ITSN1: variants seen among roughly 807,000 people sequenced by gnomAD.
ITSN1 encodes intersectin 1.
In ITSN1, 58 loss-of-function variants were observed where a neutral mutation model predicts 239.8. That is an observed-to-expected ratio of 0.24 (90% CI 0.20 to 0.30). The LOEUF is 0.30. Among genes scored for constraint, ITSN1 ranks in the 10% least tolerant of loss-of-function variants. The probability of loss-of-function intolerance (pLI) is 1.00; values close to 1 mark genes in which losing one functional copy is unlikely to be tolerated. For synonymous variants in ITSN1, 780 were observed against 770.8 expected (o/e 1.01, Z -0.20); for missense variants, 1,558 against 2,103.3 (o/e 0.74, Z 5.07).
chr21:33,898,810 T>C lies in ITSN1; in HGVS notation c.*10510T>C, dbSNP rs1986932997. ...TCAACCAGCAACTGGAGCCCCTTTTTTGAGAGGCCCGAACCAGTAAAGCTG... is the reference window on the plus strand; with the variant it reads ...TCAACCAGCAACTGGAGCCCCTTTTCTGAGAGGCCCGAACCAGTAAAGCTG... On this transcript the variant is annotated 3_prime_UTR_variant, in exon 40 of 40. Transcript: ENST00000381318. 3 of 152,232 alleles carry C rather than the reference T, an allele frequency of 2.0e-5. No individual in the cohort carries two copies. Among genetic ancestry groups the C allele is most frequent in the African/African-American group, 7.2e-5 (3 of 41,466 alleles). The allele number at this position is 152,232 out of a possible 1,614,324, so 9.4% of individuals were successfully genotyped here.
At chr21:33,704,670 C>T (rs1284205918) in intron 1 of ITSN1, among the ~76,000 whole-genome samples, 1 of 152,092 alleles carries the variant, frequency 6.6e-6, no homozygotes, top group African/African-American at 2.4e-5. Flanking sequence ...AGGATCATGC[C>T]AGTAAATCCT....
chr21:33,743,412 G>A (rs774243074), intron 5 of ITSN1, among the ~76,000 whole-genome samples: 65 of 152,218 alleles, frequency 4.3e-4, no homozygotes, highest in Non-Finnish European at 4.3e-4. Context: ...GTGGCAGTAA[G>A]CTGAGATCAC....
chr21:33,695,229 A>G (rs1191376021), intron 1 of ITSN1, among the ~76,000 whole-genome samples: 1 of 152,240 alleles, frequency 6.6e-6, no homozygotes, highest in African/African-American at 2.4e-5. Context: ...CAGTATTAAT[A>G]TCAGATATCT....
intron 1 of ITSN1, among the ~76,000 whole-genome samples, chr21:33,650,903 A>G (rs1308560595): frequency 6.6e-6 from 1 of 152,236 alleles, no homozygotes; most frequent in East Asian, 1.9e-4. Flanking sequence ...AGCACTGCTT[A>G]TTTTTAGACC....
At chr21:33,837,669 A>T (rs1035664298) in intron 29 of ITSN1, 3 of 985,902 alleles carry the variant, frequency 3.0e-6, no homozygotes, top group Non-Finnish European at 3.6e-6. Context: ...CCTGTACATA[A>T]GAAATTAGTT....
chr21:33,744,369 G>A (rs7275545), intron 5 of ITSN1, among the ~76,000 whole-genome samples: 4,769 of 152,174 alleles, frequency 0.031, 266 homozygotes, highest in African/African-American at 0.11. Context: ...TAATGAAAAA[G>A]CAGTATAGTC....
At chr21:33,815,932 T>G (rs1445570096) in intron 22 of ITSN1, among the ~76,000 whole-genome samples, 2 of 152,052 alleles carry the variant, frequency 1.3e-5, no homozygotes, top group African/African-American at 4.8e-5. Flanking sequence ...TCATGCCTGT[T>G]ATCGCAGCAC....
chr21:33,829,379 C>T (rs181451777), intron 26 of ITSN1: 617 of 483,472 alleles, frequency 1.3e-3, no homozygotes, highest in Admixed American at 3.6e-3. Flanking sequence ...GTAAGTTTCA[C>T]GGGATGACAA....
chr21:33,659,182 G>A (rs924363452), intron 1 of ITSN1, among the ~76,000 whole-genome samples: 3 of 152,206 alleles, frequency 2.0e-5, no homozygotes, highest in Admixed American at 6.5e-5. Flanking sequence ...TGTGAGGTTC[G>A]GAGAGCTGGG....
rs1986737494 is a variant in ITSN1, at chr21:33,895,716, CGTGCATGTGTGCGCATGCGTGTGT to C, written c.*7417_*7440del. The C allele has an allele frequency of 6.6e-6, 1 of 151,156 alleles. No homozygotes were observed. Among genetic ancestry groups the C allele is most frequent in the Non-Finnish European group, 1.5e-5 (1 of 67,876 alleles). The allele number at this position is 151,156 out of a possible 1,614,324, so 9.4% of individuals were successfully genotyped here. On this transcript the variant is annotated 3_prime_UTR_variant, in exon 40 of 40. Transcript: ENST00000381318. ...GTGTATGTGTGTGCGCGTGCGTGTGCGTGCATGTGTGCGCATGCGTGTGTACCTACCCACACCTAGGGGGATGCA... is the reference window on the plus strand; with the variant it reads ...GTGTATGTGTGTGCGCGTGCGTGTGCACCTACCCACACCTAGGGGGATGCA...
chr21:33,836,139 G>A (rs573672865), intron 28 of ITSN1, among the ~76,000 whole-genome samples: 3 of 152,260 alleles, frequency 2.0e-5, no homozygotes, highest in South Asian at 2.1e-4. Context: ...AAGGAGTTCC[G>A]CTGCACTCAA....
At chr21:33,830,555 A>G (rs2074235851) in intron 27 of ITSN1, among the ~76,000 whole-genome samples, 1 of 151,908 alleles carries the variant, frequency 6.6e-6, no homozygotes, top group Non-Finnish European at 1.5e-5. Context: ...CTGGTCTTCA[A>G]AACCGTCAGG....
At chr21:33,880,624 C>T (rs928393747) in intron 34 of ITSN1, among the ~76,000 whole-genome samples, 5 of 152,164 alleles carry the variant, frequency 3.3e-5, no homozygotes, top group African/African-American at 1.2e-4. Context: ...CACTGTTTCT[C>T]CTGTATTGGA....
chr21:33,847,006 G>A (rs917394911), intron 29 of ITSN1, among the ~76,000 whole-genome samples: 1 of 152,196 alleles, frequency 6.6e-6, no homozygotes, highest in Non-Finnish European at 1.5e-5. Flanking sequence ...ACAAAAGTAG[G>A]GGCCCCTGCG....
At chr21:33,860,206 C>G (rs1195615160) in intron 31 of ITSN1, among the ~76,000 whole-genome samples, 1 of 151,076 alleles carries the variant, frequency 6.6e-6, no homozygotes, top group Non-Finnish European at 1.5e-5. Flanking sequence ...ACTAGGGAGG[C>G]TGAGGCAGAA....
chr21:33,878,205 AT>A (rs1157757919), intron 34 of ITSN1, among the ~76,000 whole-genome samples: 2 of 151,132 alleles, frequency 1.3e-5, no homozygotes, highest in African/African-American at 4.9e-5. Flanking sequence ...TAATGATTCT[AT>A]TTTTTTTGTA....
chr21:33,672,886 A>G lies in ITSN1; in HGVS notation c.-33+30173A>G, dbSNP rs541840653. 2.0e-5 allele frequency among the ~76,000 whole-genome samples: 3 copies of G among 151,870 alleles called. No homozygotes were observed. In the South Asian group the frequency reaches 6.2e-4, roughly 32 times the overall value. ...GCCACCACGCCCTGCTAATTTTTGT[A>G]TTTTTCGTAGAGATAGGGTTTCACC... On this transcript the variant is annotated intron_variant, in intron 1 of 39. Coordinates refer to ENST00000381318, the MANE Select transcript of ITSN1 (RefSeq NM_003024.3).
At position 33,737,128 on chromosome 21, in the gene ITSN1, A is replaced by C. The variant is rs187203871; in HGVS notation, c.346+1924A>C. ...TTTTCTCTCAAACCTGGGGTCAATA[A>C]TTTTTCCTGTACCATTTAATTCATT... On this transcript the variant is annotated intron_variant, in intron 5 of 39. Coordinates refer to ENST00000381318, the MANE Select transcript of ITSN1 (RefSeq NM_003024.3). 1.3e-3 allele frequency among the ~76,000 whole-genome samples: 199 copies of C among 152,224 alleles called. 1 individual carries two copies. The highest frequency in any genetic ancestry group is 4.7e-3 in the African/African-American group (194 of 41,528).
intron 34 of ITSN1, among the ~76,000 whole-genome samples, chr21:33,876,703 G>A (rs1983975080): frequency 6.6e-6 from 1 of 152,182 alleles, no homozygotes; most frequent in Non-Finnish European, 1.5e-5. Context: ...GATCAGCCTG[G>A]AAACAGAGTG....
Sources: allele counts gnomAD v4.1 joint callset (sites outside exome capture counted in the v4.1 genomes callset), GRCh38; gene constraint gnomAD v4.1.1; transcripts MANE v1.5; gene names NCBI Gene and HGNC (gene_info 2026-07-23, HGNC 2026-07-21).